The following INVS variants were observed in gnomAD, a reference collection of about 807,000 sequenced individuals.
INVS encodes inversion of embryo turning homolog.
In INVS, 86 loss-of-function variants were observed where a neutral mutation model predicts 108.8. The ratio of observed to expected loss-of-function variants is 0.79; its 90% CI spans 0.66 to 0.95. The LOEUF is 0.95. INVS is among the 40% of genes least tolerant of loss of function. The probability of loss-of-function intolerance (pLI) is 0.00; values close to 1 mark genes in which losing one functional copy is unlikely to be tolerated. For synonymous variants in INVS, 455 were observed against 473.5 expected, an observed-to-expected ratio of 0.96 and a Z score of 0.51; for missense variants, 1,169 against 1,297.4, an observed-to-expected ratio of 0.90 and a Z score of 1.52.
intron 2 of INVS, chr9:100,117,636 C>T (rs886759600): frequency 6.1e-5 from 37 of 606,572 alleles, no homozygotes; most frequent in African/African-American, 1.5e-4. Context: ...CCCGCTGCAC[C>T]GGCGTTATCA....
intron 3 of INVS, among the ~76,000 whole-genome samples, chr9:100,179,164 G>A (rs1355024000): frequency 6.6e-6 from 1 of 152,176 alleles, no homozygotes; most frequent in Non-Finnish European, 1.5e-5. Context: ...GGAAAAACTG[G>A]TTGCAGCCAC....
chr9:100,121,772 G>A (rs1168012073), intron 2 of INVS, among the ~76,000 whole-genome samples: 1 of 151,810 alleles, frequency 6.6e-6, no homozygotes, highest in African/African-American at 2.4e-5. Flanking sequence ...CTGTTTTAGT[G>A]TTCTAAGGTA....
chr9:100,183,740 G>A (rs1277701362), intron 3 of INVS, among the ~76,000 whole-genome samples: 3 of 143,714 alleles, frequency 2.1e-5, no homozygotes, highest in Admixed American at 7.2e-5. Flanking sequence ...GCAGTGAGCC[G>A]AGATCGCGCC....
chr9:100,246,559 T>G (rs1309922835), intron 7 of INVS, 57 bp from the exon 8 acceptor site: 1 of 1,281,280 alleles, frequency 7.8e-7, no homozygotes, highest in African/African-American at 1.5e-5. Context: ...TATGACTTTA[T>G]TACCACAGAA....
intron 2 of INVS, among the ~76,000 whole-genome samples, chr9:100,105,103 G>C (rs934268045): frequency 4.6e-5 from 7 of 152,108 alleles, no homozygotes; most frequent in African/African-American, 1.7e-4. Context: ...ACAAAGAATA[G>C]CTAAGAATTT....
At position 100,301,903 on chromosome 9, in the gene INVS, T is replaced by TAAC. The variant is rs1424297635; in HGVS notation, c.*1231_*1233dup. On this transcript the variant is annotated 3_prime_UTR_variant, in exon 17 of 17. Transcript: ENST00000262457. ...AAGATTTAGCCAGTTTCTTGGTATA[T>TAAC]AACAGAAGGTACCACAGTATCACTC... 6.6e-6 allele frequency among the ~76,000 whole-genome samples: 1 copy of TAAC among 152,182 alleles called. No individual in the cohort carries two copies. The highest frequency in any genetic ancestry group is 1.9e-4 in the East Asian group (1 of 5,198).
At chr9:100,287,343 G>C (rs1353629369) in intron 13 of INVS, among the ~76,000 whole-genome samples, 1 of 152,168 alleles carries the variant, frequency 6.6e-6, no homozygotes, top group Non-Finnish European at 1.5e-5. Flanking sequence ...ATTGATCAAA[G>C]CAAGTTACGA....
intron 3 of INVS, among the ~76,000 whole-genome samples, chr9:100,135,328 T>C (rs1351045191): frequency 6.6e-6 from 1 of 152,164 alleles, no homozygotes; most frequent in Admixed American, 6.5e-5. Context: ...CCTGTGTCTA[T>C]GCTCTTATCC....
At chr9:100,172,798 A>G (rs1375229039) in intron 3 of INVS, among the ~76,000 whole-genome samples, 2 of 152,348 alleles carry the variant, frequency 1.3e-5, no homozygotes, top group East Asian at 3.9e-4. Context: ...GAGGGTTCCA[A>G]TCACCAGCAA....
intron 3 of INVS, among the ~76,000 whole-genome samples, chr9:100,172,586 G>A (rs967056504): frequency 1.3e-5 from 2 of 152,136 alleles, no homozygotes; most frequent in Non-Finnish European, 2.9e-5. Flanking sequence ...CATCTACTTG[G>A]ACAAGGAAAG....
intron 5 of INVS, among the ~76,000 whole-genome samples, chr9:100,232,367 T>C (rs1412172660): frequency 6.6e-6 from 1 of 152,186 alleles, no homozygotes; most frequent in East Asian, 1.9e-4. Flanking sequence ...TTAGATCCCA[T>C]TTGTCCATTT....
chr9:100,188,456 A>G (rs1426256812), intron 3 of INVS, among the ~76,000 whole-genome samples: 1 of 152,052 alleles, frequency 6.6e-6, no homozygotes, highest in East Asian at 1.9e-4. Flanking sequence ...TTTTATTTTT[A>G]ATTCCATTTA....
chr9:100,169,799 C>T (rs1397494038), intron 3 of INVS, among the ~76,000 whole-genome samples: 2 of 152,088 alleles, frequency 1.3e-5, no homozygotes, highest in Non-Finnish European at 2.9e-5. Flanking sequence ...TTTCTATAAA[C>T]CCATGGTCCC....
chr9:100,255,231 A>G (rs1564178092), intron 10 of INVS, among the ~76,000 whole-genome samples: 1 of 151,838 alleles, frequency 6.6e-6, no homozygotes, highest in Non-Finnish European at 1.5e-5. Context: ...CTGTTGGCAT[A>G]TAGGAATGCT....
At chr9:100,266,762 T>C (rs1215898879) in intron 11 of INVS, among the ~76,000 whole-genome samples, 1 of 152,192 alleles carries the variant, frequency 6.6e-6, no homozygotes, top group African/African-American at 2.4e-5. Flanking sequence ...ACAATCCCTC[T>C]GACCTAGGTC....
In INVS at chr9:100,296,807, C is replaced by G. The variant is rs1401990738; in HGVS notation, c.2787-110C>G. 7.0e-6 allele frequency: 6 copies of G among 856,660 alleles called. No individual in the cohort carries two copies. The Admixed American group carries it at 1.3e-4, about 18-fold the overall frequency. 53.1% of individuals were successfully genotyped at this position (856,660 alleles called of 1,614,324 possible). On this transcript the variant is annotated intron_variant, in intron 14 of 16. Coordinates refer to ENST00000262457, the MANE Select transcript of INVS (RefSeq NM_014425.5). The stretch of plus-strand genomic sequence containing the variant: ...ATTAGGAATGGGAGCTTGAATGAAC[C>G]TACCAGGAATTCAGCAAATACTACT...
chr9:100,286,169 T>C lies in INVS; in HGVS notation c.2068+1566T>C, dbSNP rs183080215. ...GAAATAATTCATGTAGTGTACTTGTTATAGCCCATAACTCATCATAGGTTT... is the reference window on the plus strand; with the variant it reads ...GAAATAATTCATGTAGTGTACTTGTCATAGCCCATAACTCATCATAGGTTT... On this transcript the variant is annotated intron_variant, in intron 13 of 16. Transcript: ENST00000262457. Among the ~76,000 whole-genome samples, 442 of 152,304 alleles carry C rather than the reference T, an allele frequency of 2.9e-3. 1 individual carries two copies. Among genetic ancestry groups the C allele is most frequent in the African/African-American group, 0.01 (420 of 41,566 alleles).
chr9:100,133,012 G>A (rs2118918727), intron 3 of INVS, among the ~76,000 whole-genome samples: 1 of 152,210 alleles, frequency 6.6e-6, no homozygotes, highest in African/African-American at 2.4e-5. Context: ...GGCTGAGGCA[G>A]GAGAATCGCT....
At chr9:100,145,270 G>C (rs188160281) in intron 3 of INVS, among the ~76,000 whole-genome samples, 2 of 152,036 alleles carry the variant, frequency 1.3e-5, no homozygotes, top group East Asian at 3.9e-4. Context: ...AAGCAGGAAA[G>C]GGGTCGGGGC....
Sources: gnomAD v4.1 joint callset for allele counts (sites outside exome capture counted in the v4.1 genomes callset) on GRCh38, gnomAD v4.1.1 for gene constraint, MANE v1.5 for transcripts, NCBI Gene and HGNC (gene_info 2026-07-23, HGNC 2026-07-21) for gene names.